Variants in COL6A5 observed in about 807,000 individuals in gnomAD.
COL6A5 encodes the protein collagen alpha-5(VI) chain.
COL6A5 carries 48 observed loss-of-function variants against 65.6 expected under a neutral mutation model. That is an observed-to-expected ratio of 0.73 (90% CI 0.58 to 0.93). COL6A5 has a LOEUF of 0.93. COL6A5 is among the 40% of genes least tolerant of loss of function. The pLI, the probability that COL6A5 is intolerant of heterozygous loss-of-function variation, is 0.00. For synonymous variants in COL6A5, 291 were observed against 322.8 expected (o/e 0.90, Z 1.05); for missense variants, 914 against 928.3 (o/e 0.98, Z 0.20).
Position 130,410,525 on chromosome 3 carries a change from G to A in COL6A5, c.4662+1G>A. The A allele has an allele frequency of 1.9e-6, 3 of 1,550,038 alleles. No individual in the cohort carries two copies. Among genetic ancestry groups the A allele is most frequent in the Non-Finnish European group, 2.6e-6 (3 of 1,145,580 alleles). On this transcript the variant is annotated splice_donor_variant and NMD_transcript_variant, in intron 20 of 41. Transcript: ENST00000312481. ...CAGTCCTAGTTCCAGAGGCAGCAGG[G>A]TAAGTATTTCTGTGGACATTTATTT...
chr3:130,407,141 C>T (rs914071804), intron 17 of COL6A5, among the ~76,000 whole-genome samples: 1 of 152,176 alleles, frequency 6.6e-6, no homozygotes, highest in Non-Finnish European at 1.5e-5. Context: ...AACAGGAATT[C>T]AGCAAGGCAA....
intron 20 of COL6A5, among the ~76,000 whole-genome samples, chr3:130,411,045 CACAA>C (rs1358168879): frequency 6.6e-6 from 1 of 152,144 alleles, no homozygotes; most frequent in African/African-American, 2.4e-5. Context: ...AAAGAGGACT[CACAA>C]ACAAATTCTT....
intron 5 of COL6A5, among the ~76,000 whole-genome samples, chr3:130,466,492 G>C (rs1238201392): frequency 2.6e-5 from 4 of 151,878 alleles, no homozygotes; most frequent in Non-Finnish European, 5.9e-5. Context: ...AAAATAAATA[G>C]CATTAAATGC....
At position 130,431,644 on chromosome 3, in the gene COL6A5, ACCAGC is replaced by A. The variant is rs1444782355; in HGVS notation, c.183_187del (p.Thr62IlefsTer7). On this transcript the variant is annotated frameshift_variant, in exon 1 of 8. Transcript: ENST00000512836. LOFTEE classifies it high-confidence loss of function. ...TGCCATGGTTTCCTATAACTCAGGC[ACCAGC>A]TATCTCATCCGCTGGTCTGACTACA... 1 of 1,551,598 alleles carries A rather than the reference ACCAGC, an allele frequency of 6.4e-7. No individual in the cohort carries two copies. The highest frequency in any genetic ancestry group is 1.2e-5 in the South Asian group (1 of 84,048).
intron 4 of COL6A5, among the ~76,000 whole-genome samples, chr3:130,383,092 A>G (rs1317099540): frequency 6.6e-6 from 1 of 152,106 alleles, no homozygotes; most frequent in Non-Finnish European, 1.5e-5. Flanking sequence ...ATATTTATAT[A>G]TGTATCTGTA....
chr3:130,442,759 A>G (rs1709215246), intron 3 of COL6A5, among the ~76,000 whole-genome samples: 1 of 152,342 alleles, frequency 6.6e-6, no homozygotes, highest in African/African-American at 2.4e-5. Flanking sequence ...ATATATTTTC[A>G]TTTTAAAGAA....
chr3:130,428,382 T>A (rs1937654969), upstream of COL6A5, among the ~76,000 whole-genome samples: 1 of 151,912 alleles, frequency 6.6e-6, no homozygotes, highest in Non-Finnish European at 1.5e-5. Context: ...AGGGCCAGGC[T>A]GAGACTGTCT....
chr3:130,371,080 C>T (rs539493721), intron 1 of COL6A5, among the ~76,000 whole-genome samples: 6 of 152,272 alleles, frequency 3.9e-5, no homozygotes, highest in East Asian at 1.9e-4. Context: ...TCTGAATTCA[C>T]GTGGCTGTAC....
chr3:130,475,756 A>C (rs1385492821), intron 7 of COL6A5, among the ~76,000 whole-genome samples: 3 of 152,130 alleles, frequency 2.0e-5, no homozygotes, highest in Admixed American at 1.3e-4. Flanking sequence ...AGGAAGGCTG[A>C]GTAAGAGAAA....
At chr3:130,394,157 G>A (rs1936506354) in intron 7 of COL6A5, among the ~76,000 whole-genome samples, 1 of 152,112 alleles carries the variant, frequency 6.6e-6, no homozygotes, top group Non-Finnish European at 1.5e-5. Flanking sequence ...TGGACTTCAG[G>A]GAGGTGACCT....
chr3:130,385,108 A>G (rs1343565118), exon 5 of COL6A5: 2 of 1,550,890 alleles, frequency 1.3e-6, no homozygotes, highest in African/African-American at 1.4e-5. Context: ...TAAAAAATGG[A>G]ATGAAGGATA....
At chr3:130,371,220 C>T (rs1481501396) in intron 1 of COL6A5, among the ~76,000 whole-genome samples, 1 of 151,730 alleles carries the variant, frequency 6.6e-6, no homozygotes, top group Non-Finnish European at 1.5e-5. Flanking sequence ...GATTGTAAAA[C>T]AATATTAAGA....
At position 130,375,400 on chromosome 3, in the gene COL6A5, G is replaced by A. The variant is rs199595205; in HGVS notation, c.68-837G>A. Reference sequence around the variant, plus strand: ...TTTAGGCTCCAGAGCCCCTTGCAGAGCAGGTCAAAGCTAGACCTTACCGGA... The same window carrying A: ...TTTAGGCTCCAGAGCCCCTTGCAGAACAGGTCAAAGCTAGACCTTACCGGA... On this transcript the variant is annotated intron_variant and NMD_transcript_variant, in intron 2 of 41. Transcript: ENST00000312481. 1.2e-4 allele frequency among the ~76,000 whole-genome samples: 18 copies of A among 152,260 alleles called. No homozygotes were observed. In the East Asian group the frequency reaches 3.3e-3, roughly 28 times the overall value.
At chr3:130,350,809 CTACTT>C (rs1226317307) in intron 1 of COL6A5, among the ~76,000 whole-genome samples, 1 of 152,140 alleles carries the variant, frequency 6.6e-6, no homozygotes, top group Admixed American at 6.5e-5. Flanking sequence ...GGAAAAAAAA[CTACTT>C]TAAAGTTCAT....
intron 4 of COL6A5, among the ~76,000 whole-genome samples, chr3:130,381,382 A>AT (rs1935988455): frequency 6.6e-6 from 1 of 152,088 alleles, no homozygotes; most frequent in African/African-American, 2.4e-5. Flanking sequence ...GATATACCAT[A>AT]TTTTTTAAAA....
intron 4 of COL6A5, among the ~76,000 whole-genome samples, chr3:130,382,184 A>T (rs1347794728): frequency 2.6e-5 from 4 of 152,100 alleles, no homozygotes; most frequent in African/African-American, 9.7e-5. Context: ...GAGATAGTGT[A>T]TATCAAGCAC....
chr3:130,369,827 C>G (rs909191733), intron 1 of COL6A5, among the ~76,000 whole-genome samples: 2 of 152,210 alleles, frequency 1.3e-5, no homozygotes, highest in Non-Finnish European at 2.9e-5. Context: ...ATGCCCAGCC[C>G]TCAGCATGTG....
chr3:130,371,270 T>C (rs187061423), intron 1 of COL6A5, among the ~76,000 whole-genome samples: 1 of 152,124 alleles, frequency 6.6e-6, no homozygotes, highest in East Asian at 1.9e-4. Flanking sequence ...TTCAATGAAA[T>C]TCCTATCAAA....
upstream of COL6A5, chr3:130,426,505 G>A (rs1937605739): frequency 1.7e-6 from 2 of 1,166,090 alleles, no homozygotes; most frequent in Non-Finnish European, 2.5e-6. Context: ...GAGTTCACTG[G>A]TGGGAAGCCT....
Sources: allele counts gnomAD v4.1 joint callset (sites outside exome capture counted in the v4.1 genomes callset), GRCh38; gene constraint gnomAD v4.1.1; transcripts MANE v1.5; gene names NCBI Gene and HGNC (gene_info 2026-07-23, HGNC 2026-07-21).